The following IFITM2 variants were observed in gnomAD, a reference collection of about 807,000 sequenced individuals.
The protein encoded by IFITM2 is interferon-induced transmembrane protein 2.
A neutral mutation model predicts 5.9 loss-of-function variants in IFITM2; 3 were observed. The ratio of observed to expected loss-of-function variants is 0.51; its 90% CI spans 0.23 to 1.32. The LOEUF is 1.32. IFITM2 is among the 40% of genes most tolerant of loss of function. IFITM2 has a pLI of 0.18. For missense variants in IFITM2, 159 were observed against 175.9 expected (o/e 0.90, Z 0.54); for synonymous variants, 76 against 72.4 (o/e 1.05, Z -0.25).
Position 308,252 on chromosome 11 carries a change from G to C in IFITM2, c.60G>C (p.Glu20Asp), listed in dbSNP as rs761388643. 4 of 1,614,034 alleles carry C rather than the reference G, an allele frequency of 2.5e-6. No homozygotes were observed. In the African/African-American group the frequency reaches 4.0e-5, roughly 16 times the overall value. ...ACAGCGGCCAGCCTCCCAACTACGA[G>C]ATGCTCAAGGAGGAGCAGGAAGTGG... ...PVNSGQPPNYEMLKEEQEVAM... is the reference protein window; with the variant it reads ...PVNSGQPPNYDMLKEEQEVAM... Residue 20 changes from glutamate (E) to aspartate (D), a missense_variant, in exon 1 of 2, where the codon GAG becomes GAC. Glu to Asp is a conservative substitution (Grantham distance 45). Coordinates refer to ENST00000616316, the MANE Select transcript of IFITM2 (RefSeq NM_006435.3).
Sources: allele counts gnomAD v4.1 joint callset, GRCh38; gene constraint gnomAD v4.1.1; transcripts MANE v1.5; gene names NCBI Gene and HGNC (gene_info 2026-07-23, HGNC 2026-07-21).